SYBU: variants seen among roughly 807,000 people sequenced by gnomAD.
SYBU encodes the protein syntabulin, also known as GOLSYN A protein.
SYBU carries 21 observed loss-of-function variants against 35.9 expected under a neutral mutation model. The observed-to-expected ratio is 0.58, with a 90% CI of 0.41 to 0.84. The LOEUF (loss-of-function observed/expected upper bound fraction) is 0.84. Ranked by LOEUF, SYBU falls within the 40% of genes least tolerant of loss-of-function variation. The probability of loss-of-function intolerance (pLI) is 0.00; values close to 1 mark genes in which losing one functional copy is unlikely to be tolerated. For missense variants in SYBU, 768 were observed against 848.2 expected (o/e 0.91, Z 1.17); for synonymous variants, 319 against 324.3 (o/e 0.98, Z 0.18).
At position 109,575,421 on chromosome 8, in the gene SYBU, C is replaced by A. The variant is rs754400906; in HGVS notation, c.1477G>T (p.Val493Leu). 1.2e-6 allele frequency: 2 copies of A among 1,614,118 alleles called. No homozygotes were observed. Among genetic ancestry groups the A allele is most frequent in the Non-Finnish European group, 1.7e-6 (2 of 1,180,022 alleles). ...VVERAVQTDV[V>L]PYSPAISELI... The stretch of plus-strand genomic sequence containing the variant: ...TCTGAGATGGCTGGGCTGTAGGGCA[C>A]CACGTCGGTCTGAACGGCTCGCTCC... The change falls in exon 7 of 7, where the codon GTG becomes TTG. Residue 493 changes from valine to leucine, a missense_variant. Val to Leu is a conservative substitution (Grantham distance 32). Transcript: ENST00000276646.
chr8:109,615,326 G>A (rs544260953), intron 3 of SYBU, among the ~76,000 whole-genome samples: 18 of 152,274 alleles, frequency 1.2e-4, no homozygotes, highest in Admixed American at 3.9e-4. Flanking sequence ...TGGGGCTATG[G>A]AGGAGGCAGG....
chr8:109,628,089 G>A (rs1228913187), intron 2 of SYBU, among the ~76,000 whole-genome samples: 1 of 152,168 alleles, frequency 6.6e-6, no homozygotes, highest in African/African-American at 2.4e-5. Flanking sequence ...TTTCCTACAT[G>A]TGTCAGGTAT....
chr8:109,635,549 C>T (rs751626285), intron 2 of SYBU, among the ~76,000 whole-genome samples: 2 of 152,136 alleles, frequency 1.3e-5, no homozygotes, highest in Non-Finnish European at 2.9e-5. Flanking sequence ...TAAAATTCAA[C>T]AAAGCTTAAA....
In SYBU at chr8:109,618,995, T is replaced by C; in HGVS notation, c.274A>G (p.Thr92Ala). 1 of 1,614,072 alleles carries C rather than the reference T, an allele frequency of 6.2e-7. No homozygotes were observed. Among genetic ancestry groups the C allele is most frequent in the Non-Finnish European group, 8.5e-7 (1 of 1,179,990 alleles). Residue 92 changes from threonine (T) to alanine (A), a missense_variant, in exon 3 of 7, where the codon ACA becomes GCA. Coordinates refer to ENST00000276646, the MANE Select transcript of SYBU (RefSeq NM_001099754.2). Reference sequence around the variant, plus strand: ...GGGCTGTTTCCAGCATCTGAGGGTGTCTTCACAGGAGACACTGACTGGCTG... The same window carrying C: ...GGGCTGTTTCCAGCATCTGAGGGTGCCTTCACAGGAGACACTGACTGGCTG... ...PSSQSVSPVK[T>A]PSDAGNSPIG...
intron 3 of SYBU, among the ~76,000 whole-genome samples, chr8:109,597,369 T>A (rs1376712967): frequency 6.6e-6 from 1 of 152,082 alleles, no homozygotes; most frequent in African/African-American, 2.4e-5. Context: ...GAAGAAAAGA[T>A]CATCATTTTA....
intron 3 of SYBU, among the ~76,000 whole-genome samples, chr8:109,594,526 G>A (rs946270594): frequency 6.6e-6 from 1 of 152,032 alleles, no homozygotes; most frequent in Non-Finnish European, 1.5e-5. Context: ...ACTCACTTCT[G>A]TACTTAAACA....
intron 1 of SYBU, 126 bp from the exon 2 acceptor site, chr8:109,643,058 G>C (rs1815109217): frequency 1.4e-6 from 2 of 1,393,378 alleles, no homozygotes; most frequent in African/African-American, 1.5e-5. Context: ...TCACAGAGTA[G>C]TCCTTCTTAT....
chr8:109,648,248 T>TATATATACAATA (rs1815904963), upstream of SYBU, among the ~76,000 whole-genome samples: 1 of 137,620 alleles, frequency 7.3e-6, no homozygotes, highest in African/African-American at 3.2e-5. Context: ...TATATAATAA[T>TATATATACAATA]ATATATATAC....
rs1434079380 is a variant in SYBU, at chr8:109,586,062, G to T, written c.528C>A (p.Arg176=). ...ACAGAGCAGGAGATGGTGCCTACTT[G>T]CGTGAAGAAGAAGACCGCTTGCTTC... is the stretch of plus-strand genomic sequence containing the variant. The part of the protein sequence containing the change: ...TAGSKRSSSS[R]NRGPHGRSNG... The change falls in exon 4 of 7, where the codon CGC becomes CGA. Residue 176 remains arginine, a splice_region_variant and synonymous_variant. Transcript: ENST00000276646. The T allele has an allele frequency of 1.6e-5, 25 of 1,606,878 alleles. No individual in the cohort carries two copies. The highest frequency in any genetic ancestry group is 2.0e-5 in the Non-Finnish European group (23 of 1,176,668).
chr8:109,624,671 T>C (rs150966500), intron 2 of SYBU, among the ~76,000 whole-genome samples: 2 of 152,168 alleles, frequency 1.3e-5, no homozygotes, highest in Non-Finnish European at 2.9e-5. Context: ...GAAGAATTCT[T>C]GCCACACACA....
rs1268400259 is a variant in SYBU at position 109,615,997 on chromosome 8, C to CTTTCTT, written c.427+2844_427+2845insAAGAAA. Among the ~76,000 whole-genome samples the CTTTCTT allele has an allele frequency of 9.7e-3, 931 of 95,550 alleles. 67 individuals carry two copies. The highest frequency in any genetic ancestry group is 0.015 in the South Asian group (34 of 2,314). The allele number at this position is 95,550 out of a possible 152,430, so 62.7% of individuals were successfully genotyped here. ...TATTCCCTGTAATTTCTTTTCTTTT[C>CTTTCTT]TTTTCTTTCTTTTTTTTTTTTTTTT... is the stretch of plus-strand genomic sequence containing the variant. On this transcript the variant is annotated intron_variant, in intron 3 of 6. Transcript: ENST00000276646.
chr8:109,686,800 T>C (rs1012423886), intron 1 of SYBU, among the ~76,000 whole-genome samples: 12 of 152,226 alleles, frequency 7.9e-5, no homozygotes, highest in Non-Finnish European at 1.3e-4. Context: ...TGTACTCTTC[T>C]GAGATTAAAT....
upstream of SYBU, among the ~76,000 whole-genome samples, chr8:109,649,584 G>T (rs1352391289): frequency 6.6e-6 from 1 of 152,188 alleles, no homozygotes; most frequent in Non-Finnish European, 1.5e-5. Flanking sequence ...AGAGGCAGAG[G>T]TTGGGGGCTT....
intron 1 of SYBU, among the ~76,000 whole-genome samples, chr8:109,655,830 C>T (rs997325055): frequency 6.6e-6 from 1 of 152,096 alleles, no homozygotes; most frequent in African/African-American, 2.4e-5. Flanking sequence ...TACATATGAT[C>T]TAGACCAGGC....
At chr8:109,678,531 C>T (rs1001348149) in intron 1 of SYBU, among the ~76,000 whole-genome samples, 19 of 150,452 alleles carry the variant, frequency 1.3e-4, no homozygotes, top group Non-Finnish European at 2.2e-4. Flanking sequence ...ACCTTCACCT[C>T]CAGAGTTCAA....
intron 3 of SYBU, chr8:109,607,964 C>T: frequency 6.5e-7 from 1 of 1,535,338 alleles, no homozygotes; most frequent in Non-Finnish European, 8.7e-7. Context: ...TGCAAACAGC[C>T]TCCCAGCACA....
rs1187286535 is a variant in SYBU at position 109,584,339 on chromosome 8, C to T, written c.530+1721G>A. Among the ~76,000 whole-genome samples the T allele has an allele frequency of 6.6e-6, 1 of 152,194 alleles. No homozygotes were observed. Among genetic ancestry groups the T allele is most frequent in the Non-Finnish European group, 1.5e-5 (1 of 68,036 alleles). ...ACTAGAATATTTTCTCTTAGTCACT[C>T]TGTATTATTGACACAACCTTGGAAT... On this transcript the variant is annotated intron_variant, in intron 4 of 6. Coordinates refer to ENST00000276646, the MANE Select transcript of SYBU (RefSeq NM_001099754.2). The surrounding 1 kb of genome is among the most constrained non-coding windows in gnomAD (Gnocchi z 4.0).
At chr8:109,659,917 T>C (rs1816499487) in intron 1 of SYBU, among the ~76,000 whole-genome samples, 1 of 152,160 alleles carries the variant, frequency 6.6e-6, no homozygotes, top group Admixed American at 6.5e-5. Context: ...AAATTTATTA[T>C]GTGCAAATAT....
At chr8:109,592,084 C>G (rs1205671475) in intron 3 of SYBU, among the ~76,000 whole-genome samples, 1 of 152,106 alleles carries the variant, frequency 6.6e-6, no homozygotes, top group African/African-American at 2.4e-5. Context: ...GCCTGGCATA[C>G]AGCAAGCCCT....
Sources: allele counts gnomAD v4.1 joint callset (sites outside exome capture counted in the v4.1 genomes callset), GRCh38; gene constraint gnomAD v4.1.1; non-coding constraint Gnocchi (gnomAD v3.1); transcripts MANE v1.5; gene names NCBI Gene and HGNC (gene_info 2026-07-23, HGNC 2026-07-21).